PAH: variants seen among roughly 807,000 people sequenced by gnomAD.
PAH encodes the protein phenylalanine-4-hydroxylase.
In PAH, 64 loss-of-function variants were observed where a neutral mutation model predicts 62.0. The ratio of observed to expected loss-of-function variants is 1.03; its 90% CI spans 0.84 to 1.27. The LOEUF is 1.27. PAH is among the 50% of genes most tolerant of loss of function. The pLI is 0.00. For missense variants in PAH, 579 were observed against 542.8 expected, an observed-to-expected ratio of 1.07 and a Z score of -0.66; for synonymous variants, 195 against 196.2, an observed-to-expected ratio of 0.99 and a Z score of 0.05.
At chr12:102,894,982 G>T in intron 2 of PAH, 64 bp from the exon 3 acceptor site, 1 of 1,183,450 alleles carries the variant, frequency 8.4e-7, no homozygotes. Flanking sequence ...CAAAGATGCA[G>T]AACCAGAACA....
At chr12:102,877,229 C>T (rs1340578613) in intron 4 of PAH, 2 of 572,536 alleles carry the variant, frequency 3.5e-6, no homozygotes, top group South Asian at 1.9e-5. Context: ...TATATAGAGA[C>T]AATAGTTTCT....
chr12:102,942,563 C>G (rs1337078655), intron 1 of PAH, among the ~76,000 whole-genome samples: 2 of 151,796 alleles, frequency 1.3e-5, no homozygotes, highest in Non-Finnish European at 2.9e-5. Flanking sequence ...AAGAAGATAC[C>G]ATTCTAAAAT....
intron 4 of PAH, among the ~76,000 whole-genome samples, chr12:102,872,451 G>C (rs1471103844): frequency 6.6e-6 from 1 of 152,174 alleles, no homozygotes; most frequent in Non-Finnish European, 1.5e-5. Flanking sequence ...TGCTTGGATA[G>C]AGCAATTTAG....
At chr12:102,934,928 C>G (rs115760585) in intron 1 of PAH, among the ~76,000 whole-genome samples, 2 of 152,012 alleles carry the variant, frequency 1.3e-5, no homozygotes, top group African/African-American at 4.8e-5. Flanking sequence ...TCTGATTGCT[C>G]TAACTAGAAC....
chr12:102,875,279 C>A (rs1393622450), intron 4 of PAH, among the ~76,000 whole-genome samples: 1 of 152,058 alleles, frequency 6.6e-6, no homozygotes, highest in Non-Finnish European at 1.5e-5. Context: ...AAAGCCAGTG[C>A]CAGCTGCTTT....
chr12:102,892,588 A>G (rs761858365), intron 3 of PAH, among the ~76,000 whole-genome samples: 15 of 152,240 alleles, frequency 9.9e-5, no homozygotes, highest in Non-Finnish European at 1.9e-4. Flanking sequence ...CATCTTGACC[A>G]TGGAATATTA....
intron 1 of PAH, among the ~76,000 whole-genome samples, chr12:102,933,561 T>C (rs537689670): frequency 9.2e-5 from 14 of 152,226 alleles, no homozygotes; most frequent in African/African-American, 3.1e-4. Context: ...CTGTTCTCCA[T>C]AGTGGTTGTA....
chr12:102,894,123 A>G (rs1017713083), intron 3 of PAH, among the ~76,000 whole-genome samples: 1 of 152,216 alleles, frequency 6.6e-6, no homozygotes, highest in African/African-American at 2.4e-5. Flanking sequence ...ATTTTTGTAT[A>G]TGGTAAAAGG....
chr12:102,854,873 G>GAA (rs1875337425), intron 6 of PAH: 1 of 533,866 alleles, frequency 1.9e-6, no homozygotes, highest in Admixed American at 3.1e-5. Context: ...AAGTGTGAAA[G>GAA]AAAATACTTT....
In PAH at chr12:102,877,600, C is replaced by G. The variant is rs111234669; in HGVS notation, c.353-50G>C. The G allele has an allele frequency of 2.6e-5, 36 of 1,383,054 alleles. 1 individual carries two copies. The African/African-American group carries it at 3.6e-4, about 14-fold the overall frequency. 85.7% of individuals were successfully genotyped at this position (1,383,054 alleles called of 1,614,324 possible). A position where few individuals can be genotyped will look rare whatever the true frequency, so the allele number is the denominator to read the frequency against. ...CTGAGTACAGATTGGCAGAACATGG[C>G]CAAAGGCCTTGCTGAGATCAGAAGT... On this transcript the variant is annotated intron_variant, in intron 3 of 12. Transcript: ENST00000553106.
chr12:102,917,717 G>A (rs1052348498), upstream of PAH: 2 of 160,158 alleles, frequency 1.2e-5, no homozygotes, highest in African/African-American at 4.8e-5. Context: ...TAGAGGGCAC[G>A]TGAACGCTGA....
At chr12:102,863,841 T>C (rs1875835411) in intron 5 of PAH, among the ~76,000 whole-genome samples, 1 of 152,072 alleles carries the variant, frequency 6.6e-6, no homozygotes, top group Non-Finnish European at 1.5e-5. Flanking sequence ...AAATATAAGC[T>C]CCTATGATCC....
chr12:102,850,266 C>T (rs1486629498), intron 8 of PAH, among the ~76,000 whole-genome samples: 1 of 152,238 alleles, frequency 6.6e-6, no homozygotes, highest in African/African-American at 2.4e-5. Context: ...GTCCAACGAT[C>T]TTTGAACTCC....
At chr12:102,845,995 G>A (rs1874824969) in intron 9 of PAH, among the ~76,000 whole-genome samples, 1 of 152,126 alleles carries the variant, frequency 6.6e-6, no homozygotes, top group South Asian at 2.1e-4. Context: ...TAACTTCTTT[G>A]AAAGCCGCTC....
chr12:102,917,936 T>G (rs1444996604), upstream of PAH, among the ~76,000 whole-genome samples: 1 of 152,242 alleles, frequency 6.6e-6, no homozygotes, highest in Non-Finnish European at 1.5e-5. Flanking sequence ...AGATATTGTT[T>G]AAAAGCAAAT....
intron 4 of PAH, among the ~76,000 whole-genome samples, chr12:102,872,872 G>T (rs113014797): frequency 1.6e-3 from 251 of 152,308 alleles, no homozygotes; most frequent in African/African-American, 5.3e-3. Context: ...GGAGGCTGAG[G>T]CAGGAGAATC....
intron 2 of PAH, among the ~76,000 whole-genome samples, chr12:102,899,607 C>T (rs112122841): frequency 1.6e-3 from 241 of 151,898 alleles, no homozygotes; most frequent in African/African-American, 5.5e-3. Flanking sequence ...CGCCTGTAAT[C>T]CCAGCACTTT....
intron 1 of PAH, among the ~76,000 whole-genome samples, chr12:102,943,235 C>T (rs1879357817): frequency 6.6e-6 from 1 of 151,942 alleles, no homozygotes; most frequent in Non-Finnish European, 1.5e-5. Flanking sequence ...AAAACACAAA[C>T]AACCACATTA....
chr12:102,892,315 A>G (rs975246249), intron 3 of PAH, among the ~76,000 whole-genome samples: 1 of 152,192 alleles, frequency 6.6e-6, no homozygotes, highest in Non-Finnish European at 1.5e-5. Context: ...TCTTTCAGCT[A>G]TGGTGCCTGA....
Sources: gnomAD v4.1 joint callset for allele counts (sites outside exome capture counted in the v4.1 genomes callset) on GRCh38, gnomAD v4.1.1 for gene constraint, MANE v1.5 for transcripts, NCBI Gene and HGNC (gene_info 2026-07-23, HGNC 2026-07-21) for gene names.